The following PRKG1 variants were observed in gnomAD, a reference collection of about 807,000 sequenced individuals.
PRKG1 encodes cGMP-dependent protein kinase 1.
PRKG1 carries 35 observed loss-of-function variants against 88.1 expected under a neutral mutation model. The ratio of observed to expected loss-of-function variants is 0.40; its 90% CI spans 0.30 to 0.53. The LOEUF is 0.53. Ranked by LOEUF, PRKG1 falls within the 20% of genes least tolerant of loss-of-function variation. The pLI is 0.59. For synonymous variants in PRKG1, 303 were observed against 292.5 expected (o/e 1.04, Z -0.37); for missense variants, 540 against 839.8 (o/e 0.64, Z 4.41).
chr10:52,142,936 G>A (rs544338389), intron 8 of PRKG1, among the ~76,000 whole-genome samples: 2 of 152,222 alleles, frequency 1.3e-5, no homozygotes, highest in South Asian at 4.1e-4. Context: ...ACAGTATCAG[G>A]AAATATAATA....
intron 1 of PRKG1, among the ~76,000 whole-genome samples, chr10:51,105,127 T>C (rs1278503281): frequency 2.6e-5 from 4 of 152,196 alleles, no homozygotes; most frequent in African/African-American, 9.7e-5. Context: ...CACCTCAGCC[T>C]CCCAAAGTGC....
intron 4 of PRKG1, among the ~76,000 whole-genome samples, chr10:51,812,389 G>A (rs1839478909): frequency 1.3e-5 from 2 of 152,178 alleles, no homozygotes; most frequent in Admixed American, 1.3e-4. Flanking sequence ...TTGAAACACT[G>A]GTTGTGCGAT....
At chr10:52,180,297 A>C (rs1309037922) in intron 9 of PRKG1, among the ~76,000 whole-genome samples, 1 of 152,192 alleles carries the variant, frequency 6.6e-6, no homozygotes, top group Non-Finnish European at 1.5e-5. Flanking sequence ...TGAATTTCTC[A>C]TTCAAATCAT....
intron 5 of PRKG1, among the ~76,000 whole-genome samples, chr10:52,018,702 C>T (rs142623901): frequency 2.6e-4 from 40 of 152,032 alleles, no homozygotes; most frequent in East Asian, 2.3e-3. Context: ...ATAATTGTAC[C>T]GAGCAGAGTA....
chr10:51,941,270 A>C (rs550993751), intron 5 of PRKG1, among the ~76,000 whole-genome samples: 2 of 152,082 alleles, frequency 1.3e-5, no homozygotes, highest in South Asian at 2.1e-4. Context: ...AGTATAATGA[A>C]CACTTAAGCA....
chr10:51,662,814 C>T (rs77360853), intron 3 of PRKG1, among the ~76,000 whole-genome samples: 5,694 of 152,056 alleles, frequency 0.037, 148 homozygotes, highest in South Asian at 0.1. Flanking sequence ...AAGAGAATCA[C>T]AAAGGGTAGC....
intron 5 of PRKG1, among the ~76,000 whole-genome samples, chr10:52,042,359 A>G (rs1172059928): frequency 6.6e-6 from 1 of 152,220 alleles, no homozygotes; most frequent in South Asian, 2.1e-4. Context: ...AACACATGGT[A>G]CTAGCATAAA....
chr10:51,551,160 T>C (rs2132128344), intron 3 of PRKG1, among the ~76,000 whole-genome samples: 1 of 151,986 alleles, frequency 6.6e-6, no homozygotes, highest in Admixed American at 6.6e-5. Context: ...GTATTTAACT[T>C]GCAACCAACA....
chr10:52,090,607 A>C (rs574902903), intron 7 of PRKG1, among the ~76,000 whole-genome samples: 1 of 152,316 alleles, frequency 6.6e-6, no homozygotes, highest in African/African-American at 2.4e-5. Context: ...CTTTAAGGTG[A>C]AAGGGGATAT....
At chr10:52,039,598 G>C (rs116221041) in intron 5 of PRKG1, among the ~76,000 whole-genome samples, 4 of 152,042 alleles carry the variant, frequency 2.6e-5, no homozygotes, top group Non-Finnish European at 5.9e-5. Context: ...CAGTTAGTAC[G>C]TATCCTCTGC....
intron 2 of PRKG1, among the ~76,000 whole-genome samples, chr10:51,261,881 ATTTT>A (rs375382268): frequency 1.7e-4 from 21 of 120,598 alleles, no homozygotes; most frequent in African/African-American, 7.0e-4. Context: ...GGATTTTCTA[ATTTT>A]TTTTTTTTTT....
At chr10:51,348,788 G>A (rs1842171583) in intron 2 of PRKG1, among the ~76,000 whole-genome samples, 1 of 152,134 alleles carries the variant, frequency 6.6e-6, no homozygotes, top group African/African-American at 2.4e-5. Context: ...AAAAAACTGA[G>A]TGAAGTGTAC....
intron 2 of PRKG1, among the ~76,000 whole-genome samples, chr10:51,220,466 G>T (rs555044862): frequency 6.6e-6 from 1 of 152,154 alleles, no homozygotes; most frequent in African/African-American, 2.4e-5. Context: ...AGACCAAAAG[G>T]CTACTTAAAA....
chr10:52,197,406 AATG>A (rs1368282821), intron 9 of PRKG1, among the ~76,000 whole-genome samples: 24 of 152,178 alleles, frequency 1.6e-4, no homozygotes, highest in African/African-American at 5.8e-4. Flanking sequence ...ATATAATCGG[AATG>A]ATATCAAGAG....
intron 3 of PRKG1, among the ~76,000 whole-genome samples, chr10:51,763,524 A>G (rs1219004663): frequency 6.6e-6 from 1 of 151,612 alleles, no homozygotes; most frequent in African/African-American, 2.4e-5. Context: ...AAGTGCTGGG[A>G]TTACAGTCAT....
intron 2 of PRKG1, among the ~76,000 whole-genome samples, chr10:51,425,512 T>C (rs749911123): frequency 6.6e-6 from 1 of 152,186 alleles, no homozygotes. Context: ...CCAGCAACAA[T>C]ATTCCCATGC....
intron 5 of PRKG1, among the ~76,000 whole-genome samples, chr10:51,938,453 C>T (rs1239812536): frequency 6.6e-6 from 1 of 151,848 alleles, no homozygotes; most frequent in African/African-American, 2.4e-5. Context: ...TGAATCTGAA[C>T]CTAAATGTGG....
At chr10:51,480,626 A>G (rs1288736868) in intron 3 of PRKG1, among the ~76,000 whole-genome samples, 2 of 152,028 alleles carry the variant, frequency 1.3e-5, no homozygotes, top group African/African-American at 2.4e-5. Flanking sequence ...GGGTATGACC[A>G]TGGTGAAGCA....
chr10:52,273,859 A>G (rs1311332788), intron 12 of PRKG1, among the ~76,000 whole-genome samples: 1 of 152,126 alleles, frequency 6.6e-6, no homozygotes, highest in Non-Finnish European at 1.5e-5. Flanking sequence ...CTGGGGATCC[A>G]GTAATAAACA....
Sources: gnomAD v4.1 joint callset for allele counts (sites outside exome capture counted in the v4.1 genomes callset) on GRCh38, gnomAD v4.1.1 for gene constraint, MANE v1.5 for transcripts, NCBI Gene and HGNC (gene_info 2026-07-23, HGNC 2026-07-21) for gene names.